Variants in DNAH7 observed in about 807,000 individuals in gnomAD.
DNAH7 encodes the protein dynein axonemal heavy chain 7.
DNAH7 carries 397 observed loss-of-function variants against 444.6 expected under a neutral mutation model. The ratio of observed to expected loss-of-function variants is 0.89; its 90% CI spans 0.82 to 0.97. The LOEUF (loss-of-function observed/expected upper bound fraction) is 0.97. DNAH7 is among the 50% of genes least tolerant of loss of function. The pLI is 0.00. For synonymous variants in DNAH7, 1,636 were observed against 1,624.4 expected (o/e 1.01, Z -0.17); for missense variants, 4,902 against 4,800.8 (o/e 1.02, Z -0.62).
Position 195,897,253 on chromosome 2 carries a change from GTCATC to G in DNAH7, c.4647+409_4647+413del, listed in dbSNP as rs1276313750. ...TATCATAAAAAACAATTTCATAAAAGTCATCTCATTTAAGGAAATTAAGCATATTT... is the reference window on the plus strand; with the variant it reads ...TATCATAAAAAACAATTTCATAAAAGTCATTTAAGGAAATTAAGCATATTT... On this transcript the variant is annotated intron_variant, in intron 29 of 64. Transcript: ENST00000312428. 1.2e-4 allele frequency among the ~76,000 whole-genome samples: 18 copies of G among 152,132 alleles called. No homozygotes were observed. The South Asian group carries it at 2.5e-3, about 21-fold the overall frequency.
intron 19 of DNAH7, among the ~76,000 whole-genome samples, chr2:195,945,797 T>A (rs1034375863): frequency 1.3e-5 from 2 of 152,098 alleles, no homozygotes; most frequent in African/African-American, 4.8e-5. Context: ...TGGGAAAAAA[T>A]TTAAGAGTGT....
chr2:195,908,513 A>G (rs1687172685), intron 25 of DNAH7, among the ~76,000 whole-genome samples: 1 of 152,108 alleles, frequency 6.6e-6, no homozygotes, highest in African/African-American at 2.4e-5. Flanking sequence ...CCCACTTATG[A>G]GTGAGAACAT....
rs78220666 is a variant in DNAH7, at chr2:195,849,737, G to A, written c.8781+3606C>T. The stretch of plus-strand genomic sequence containing the variant: ...CACCTCAGCCTCCAAGCAGGACTGG[G>A]ACTACAGGCACACACCACCATGCCC... On this transcript the variant is annotated intron_variant, in intron 46 of 64. Coordinates refer to ENST00000312428, the MANE Select transcript of DNAH7 (RefSeq NM_018897.3). Among the ~76,000 whole-genome samples, 463 of 152,100 alleles carry A rather than the reference G, an allele frequency of 3.0e-3. 8 individuals are homozygous for A. Among genetic ancestry groups the A allele is most frequent in the East Asian group, 0.025 (129 of 5,172 alleles).
intron 40 of DNAH7, among the ~76,000 whole-genome samples, chr2:195,870,809 T>C (rs1458827050): frequency 6.6e-6 from 1 of 152,178 alleles, no homozygotes; most frequent in East Asian, 1.9e-4. Context: ...CTTTCCAGCC[T>C]CCAGAACTGT....
At chr2:195,796,815 A>T in intron 55 of DNAH7, 78 bp from the exon 56 acceptor site, 1 of 1,445,988 alleles carries the variant, frequency 6.9e-7, no homozygotes, top group South Asian at 1.4e-5. Context: ...AAAAGTTAAC[A>T]TTGACTATAT....
In DNAH7 at chr2:195,808,689, T is replaced by C. The variant is rs1696818106; in HGVS notation, c.10076A>G (p.Asp3359Gly). ...GAGAGGGTTAAAACATACCAAACTA[T>C]CATATACTTTCTTCCATCCATCCTT... is the stretch of plus-strand genomic sequence containing the variant. ...RLKDGWKKVY[D>G]SLEPHHEVFP... is the part of the protein sequence containing the mutation. The change falls in exon 53 of 65, where the codon GAT becomes GGT. Residue 3359 changes from aspartate to glycine, a missense_variant. Coordinates refer to ENST00000312428, the MANE Select transcript of DNAH7 (RefSeq NM_018897.3). The C allele has an allele frequency of 1.9e-6, 3 of 1,613,740 alleles. No homozygotes were observed. Among genetic ancestry groups the C allele is most frequent in the African/African-American group, 2.7e-5 (2 of 74,928 alleles).
At chr2:195,898,543 C>A (rs1686486989) in intron 28 of DNAH7, among the ~76,000 whole-genome samples, 1 of 152,126 alleles carries the variant, frequency 6.6e-6, no homozygotes, top group Admixed American at 6.5e-5. Context: ...TCGCACCATG[C>A]AGTTAGATGA....
intron 31 of DNAH7, among the ~76,000 whole-genome samples, chr2:195,889,739 T>C (rs945585485): frequency 1.3e-5 from 2 of 152,232 alleles, no homozygotes; most frequent in African/African-American, 4.8e-5. Flanking sequence ...TAGTACCATG[T>C]TTATGCAAAT....
chr2:195,861,636 A>G (rs763353179), intron 42 of DNAH7, 81 bp downstream of exon 42: 189 of 890,336 alleles, frequency 2.1e-4, no homozygotes, highest in Admixed American at 7.7e-4. Context: ...ATAAATCTCC[A>G]TTATATATTA....
intron 27 of DNAH7, chr2:195,903,028 G>T (rs1048980264): frequency 2.0e-5 from 3 of 152,068 alleles, no homozygotes; most frequent in Admixed American, 6.6e-5. Context: ...AAACAAAGAG[G>T]GTACAGAGCC....
chr2:195,863,321 C>T (rs760123021), intron 41 of DNAH7, among the ~76,000 whole-genome samples: 18 of 152,202 alleles, frequency 1.2e-4, no homozygotes, highest in East Asian at 1.9e-4. Context: ...AACCCACTCA[C>T]GGGATCTCAG....
intron 1 of DNAH7, among the ~76,000 whole-genome samples, chr2:196,059,297 A>G (rs546981337): frequency 6.6e-6 from 1 of 152,328 alleles, no homozygotes; most frequent in African/African-American, 2.4e-5. Context: ...TCTCCTTTGC[A>G]GTAGAGAATA....
intron 15 of DNAH7, among the ~76,000 whole-genome samples, chr2:195,980,175 G>A (rs1692479568): frequency 6.6e-6 from 1 of 151,870 alleles, no homozygotes; most frequent in Non-Finnish European, 1.5e-5. Flanking sequence ...GTCATGGGAG[G>A]GACCCGGTGG....
chr2:195,901,899 A>G (rs1194708927), intron 27 of DNAH7: 1 of 152,180 alleles, frequency 6.6e-6, no homozygotes, highest in African/African-American at 2.4e-5. Context: ...TTTGATGGTA[A>G]GTAAATAGAA....
At chr2:196,015,753 A>G (rs939265966) in intron 9 of DNAH7, among the ~76,000 whole-genome samples, 3 of 152,224 alleles carry the variant, frequency 2.0e-5, no homozygotes, top group African/African-American at 7.2e-5. Flanking sequence ...GAGATGTCGT[A>G]TATTTTCAAG....
intron 47 of DNAH7, among the ~76,000 whole-genome samples, chr2:195,836,842 T>C (rs1011544631): frequency 3.3e-5 from 5 of 152,204 alleles, no homozygotes; most frequent in African/African-American, 1.2e-4. Flanking sequence ...TTGTATCACT[T>C]CCACATTTTT....
chr2:195,780,629 T>A (rs1024767226), intron 58 of DNAH7, among the ~76,000 whole-genome samples: 1 of 151,918 alleles, frequency 6.6e-6, no homozygotes. Context: ...CAAGCACCTG[T>A]AACCCCAGCT....
Position 195,754,343 on chromosome 2 carries a change from CAGG to C in DNAH7, c.11755_11757del (p.Pro3919del). ...ATTCTGTCCCTGCACTTACCATCCT[CAGG>C]AGGATGCTTGTATTCTTTGTCTTCC... On this transcript the variant is annotated inframe_deletion, in exon 63 of 65. Coordinates refer to ENST00000312428, the MANE Select transcript of DNAH7 (RefSeq NM_018897.3). 6.2e-7 allele frequency: 1 copy of C among 1,613,710 alleles called. No homozygotes were observed. Among genetic ancestry groups the C allele is most frequent in the Non-Finnish European group, 8.5e-7 (1 of 1,179,718 alleles).
intron 34 of DNAH7, 94 bp downstream of exon 34, chr2:195,886,046 CA>C (rs1396205953): frequency 2.1e-6 from 3 of 1,424,392 alleles, no homozygotes; most frequent in Non-Finnish European, 2.8e-6. Context: ...TCTCCAACTT[CA>C]GGGGCAAAAT....
Sources: gnomAD v4.1 joint callset for allele counts (sites outside exome capture counted in the v4.1 genomes callset) on GRCh38, gnomAD v4.1.1 for gene constraint, MANE v1.5 for transcripts, NCBI Gene and HGNC (gene_info 2026-07-23, HGNC 2026-07-21) for gene names.